The following GGT6 variants were observed in gnomAD, a reference collection of about 807,000 sequenced individuals.
The protein encoded by GGT6 is gamma-glutamyltransferase 6.
Under a neutral mutation model 17.0 loss-of-function variants are expected in GGT6, and 13 were observed. The ratio of observed to expected loss-of-function variants is 0.77; its 90% confidence interval spans 0.50 to 1.22. GGT6 has a LOEUF of 1.22. GGT6 is among the 50% of genes most tolerant of loss of function. GGT6 has a pLI of 0.00. For synonymous variants in GGT6, 305 were observed against 297.9 expected, an observed-to-expected ratio of 1.02 and a Z score of -0.25; for missense variants, 628 against 643.7, an observed-to-expected ratio of 0.98 and a Z score of 0.26.
rs758682929 is a variant in GGT6, at chr17:4,560,388, G to C, written c.134C>G (p.Ser45Cys). ...AGACCCCTCCCTTACTTACCTGGAA[G>C]AGTCCTGGTGCCTCCGGGGGTTTAG... ...LVLNPRRHQD[S>C]SRNKAGGLPG... The change falls in exon 1 of 4, where the codon TCT (serine) becomes TGT (cysteine). Residue 45 changes from serine (S) to cysteine (C), a missense_variant. By Grantham distance (112) the Ser-to-Cys change is moderately radical. Coordinates refer to ENST00000381550, the MANE Select transcript of GGT6 (RefSeq NM_001288702.2). The C allele has an allele frequency of 6.2e-7, 1 of 1,614,140 alleles. No individual in the cohort carries two copies. Among genetic ancestry groups the C allele is most frequent in the South Asian group, 1.1e-5 (1 of 91,086 alleles).
At position 4,557,620 on chromosome 17, in the gene GGT6, T is replaced by A. The variant is rs118064661; in HGVS notation, c.*395A>T. The stretch of plus-strand genomic sequence containing the variant: ...ATGAGCCACCGCACCCAGCTATTTT[T>A]TTATTATTATTATTATTATTTTAAA... On this transcript the variant is annotated 3_prime_UTR_variant, in exon 4 of 4. Transcript: ENST00000381550. 0.14 allele frequency: 22,001 copies of A among 151,792 alleles called. 1,646 individuals carry two copies. The highest frequency in any genetic ancestry group is 0.23 in the South Asian group (1,093 of 4,698). The allele number at this position is 151,792 out of a possible 1,614,324, so 9.4% of individuals were successfully genotyped here.
At chr17:4,559,297 T>A in intron 3 of GGT6, 46 bp downstream of exon 3, 1 of 1,433,202 alleles carries the variant, frequency 7.0e-7, no homozygotes, top group Non-Finnish European at 9.6e-7. Flanking sequence ...AGGTCACTGA[T>A]CAGGCTGTGG....
downstream of GGT6, among the ~76,000 whole-genome samples, chr17:4,556,438 G>T (rs1908125446): frequency 6.6e-6 from 1 of 152,168 alleles, no homozygotes; most frequent in Non-Finnish European, 1.5e-5. Context: ...TTACGGAGAA[G>T]AATTTTCTTG....
At chr17:4,556,468 G>A (rs1167814841), downstream of GGT6, among the ~76,000 whole-genome samples, 2 of 152,182 alleles carry the variant, frequency 1.3e-5, no homozygotes, top group Admixed American at 1.3e-4. Context: ...GGTAAAGGTG[G>A]TGGGATCAAA....
chr17:4,556,722 T>C (rs190494649), downstream of GGT6, among the ~76,000 whole-genome samples: 165 of 152,316 alleles, frequency 1.1e-3, no homozygotes, highest in African/African-American at 3.8e-3. Context: ...TTGCTGTCTG[T>C]TCTAGAAAGT....
In GGT6 at chr17:4,559,616, G is replaced by T. The variant is rs775591313; in HGVS notation, c.285C>A (p.Pro95=). 7.4e-6 allele frequency: 12 copies of T among 1,613,684 alleles called. No homozygotes were observed. Among genetic ancestry groups the T allele is most frequent in the Non-Finnish European group, 1.0e-5 (12 of 1,180,016 alleles). The change falls in exon 2 of 4, where the codon CCC becomes CCA. Residue 95 remains proline (P), a synonymous_variant. Coordinates refer to ENST00000381550, the MANE Select transcript of GGT6 (RefSeq NM_001288702.2). ...TGSLGSVAPP[P]GGHSHGPGVY... is the part of the protein sequence containing the mutation. ...CGCCAGGGCCGTGGGAGTGTCCGCCGGGTGGAGGGGCCACAGAGCCCAAGC... is the reference window on the plus strand; with the variant it reads ...CGCCAGGGCCGTGGGAGTGTCCGCCTGGTGGAGGGGCCACAGAGCCCAAGC...
chr17:4,559,626 G>C lies in GGT6; in HGVS notation c.275C>G (p.Ala92Gly), dbSNP rs1396806105. The part of the protein sequence containing the change: ...GRSTGSLGSV[A>G]PPPGGHSHGP... Reference sequence around the variant, plus strand: ...GTGGGAGTGTCCGCCGGGTGGAGGGGCCACAGAGCCCAAGCTTCCTGTCGA... The same window carrying C: ...GTGGGAGTGTCCGCCGGGTGGAGGGCCCACAGAGCCCAAGCTTCCTGTCGA... The change falls in exon 2 of 4, where the codon GCC (alanine) becomes GGC (glycine). Residue 92 changes from alanine to glycine, a missense_variant. Transcript: ENST00000381550. 6.2e-7 allele frequency: 1 copy of C among 1,613,632 alleles called. No homozygotes were observed. Among genetic ancestry groups the C allele is most frequent in the East Asian group, 2.2e-5 (1 of 44,890 alleles).
At chr17:4,556,924 T>G (rs1234740654), downstream of GGT6, 1 of 152,212 alleles carries the variant, frequency 6.6e-6, no homozygotes, top group Admixed American at 6.5e-5. Flanking sequence ...GCAGGAATGG[T>G]GCTTGGTTTC....
Position 4,558,305 on chromosome 17 carries a change from A to T in GGT6, c.1210T>A (p.Trp404Arg), listed in dbSNP as rs760932683. 3.1e-6 allele frequency: 5 copies of T among 1,613,210 alleles called. No homozygotes were observed. The South Asian group carries it at 5.5e-5, about 18-fold the overall frequency. ...NLVAKSTTSA[W>R]ACPLILRGSL... Reference sequence around the variant, plus strand: ...CCACGGAGGATGAGGGGGCAGGCCCAGGCACTAGTGGTAGACTTGGCCACC... The same window carrying T: ...CCACGGAGGATGAGGGGGCAGGCCCTGGCACTAGTGGTAGACTTGGCCACC... The change falls in exon 4 of 4, where the codon TGG becomes AGG. Residue 404 changes from tryptophan to arginine, a missense_variant. Coordinates refer to ENST00000381550, the MANE Select transcript of GGT6 (RefSeq NM_001288702.2).
At chr17:4,556,673 C>T (rs763781612), downstream of GGT6, among the ~76,000 whole-genome samples, 1 of 152,218 alleles carries the variant, frequency 6.6e-6, no homozygotes, top group East Asian at 1.9e-4. Context: ...TACCCAAGCC[C>T]CTGGGGCGCC....
At chr17:4,559,223 C>T in intron 3 of GGT6, 120 bp downstream of exon 3, 2 of 1,195,682 alleles carry the variant, frequency 1.7e-6, no homozygotes, top group Non-Finnish European at 1.2e-6. Flanking sequence ...TGGACTGCTG[C>T]CCAAACCCTA....
rs755547480 is a variant in GGT6, at chr17:4,558,582, C to G, written c.933G>C (p.Gln311His). Reference sequence around the variant, plus strand: ...GACTGGGGGTGGTGAACAGGATGCCCTGGGGCACAGGTAGCTGCTCTGCTG... The same window carrying G: ...GACTGGGGGTGGTGAACAGGATGCCGTGGGGCACAGGTAGCTGCTCTGCTG... ...LEPAEQLPVP[Q>H]GILFTTPSPS... is the part of the protein sequence containing the mutation. Residue 311 changes from glutamine (Q) to histidine (H), a missense_variant, in exon 4 of 4, where the codon CAG (glutamine) becomes CAC (histidine). Physicochemically the swap from Gln to His is conservative, Grantham distance 24 (BLOSUM62 0). Coordinates refer to ENST00000381550, the MANE Select transcript of GGT6 (RefSeq NM_001288702.2). 1 of 1,565,580 alleles carries G rather than the reference C, an allele frequency of 6.4e-7. No individual in the cohort carries two copies. The highest frequency in any genetic ancestry group is 8.7e-7 in the Non-Finnish European group (1 of 1,155,742).
intron 3 of GGT6, 72 bp downstream of exon 3, chr17:4,559,271 T>C: frequency 3.1e-6 from 4 of 1,304,982 alleles, no homozygotes; most frequent in Non-Finnish European, 4.3e-6. Context: ...TCAGTGCTAC[T>C]GACTCCCTAA....
In GGT6 at chr17:4,559,642, T is replaced by A; in HGVS notation, c.259A>T (p.Ser87Cys). ...QLQNQGRSTGSLGSVAPPPGG... is the reference protein window; with the variant it reads ...QLQNQGRSTGCLGSVAPPPGG... ...GGTGGAGGGGCCACAGAGCCCAAGCTTCCTGTCGACCTGCCCTGATTCTGG... is the reference window on the plus strand; with the variant it reads ...GGTGGAGGGGCCACAGAGCCCAAGCATCCTGTCGACCTGCCCTGATTCTGG... Residue 87 changes from serine (S) to cysteine (C), a missense_variant, in exon 2 of 4, where the codon AGC (serine) becomes TGC (cysteine). Transcript: ENST00000381550. 6.2e-7 allele frequency: 1 copy of A among 1,613,640 alleles called. No individual in the cohort carries two copies. The highest frequency in any genetic ancestry group is 1.1e-5 in the South Asian group (1 of 91,090).
Position 4,560,369 on chromosome 17 carries a change from C to A in GGT6, c.140+13G>T. 1 of 1,614,058 alleles carries A rather than the reference C, an allele frequency of 6.2e-7. No individual in the cohort carries two copies. The highest frequency in any genetic ancestry group is 8.5e-7 in the Non-Finnish European group (1 of 1,179,984). On this transcript the variant is annotated intron_variant, in intron 1 of 3. Coordinates refer to ENST00000381550, the MANE Select transcript of GGT6 (RefSeq NM_001288702.2). ...CCTGGGGAGCCTGGTGCCCAGACCC[C>A]TCCCTTACTTACCTGGAAGAGTCCT... is the stretch of plus-strand genomic sequence containing the variant.
chr17:4,556,612 C>A, downstream of GGT6, among the ~76,000 whole-genome samples: 1 of 152,170 alleles, frequency 6.6e-6, no homozygotes, highest in East Asian at 1.9e-4. Context: ...TGGGGGAGGT[C>A]AGGGCTAACC....
chr17:4,560,495 G>T lies in GGT6; in HGVS notation c.27C>A (p.Val9=), dbSNP rs1908571358. Residue 9 remains valine, a synonymous_variant, in exon 1 of 4, where the codon GTC becomes GTA. Transcript: ENST00000381550. ...GCTCCCAGGGCAGCAGCTTCTGATA[G>T]ACCACGGGCTCTTCTGCCCGCTCCA... The part of the protein sequence containing the change: MERAEEPV[V]YQKLLPWEPS... The T allele has an allele frequency of 1.9e-6, 3 of 1,612,858 alleles. No homozygotes were observed. The highest frequency in any genetic ancestry group is 4.5e-5 in the East Asian group (2 of 44,884).
chr17:4,560,260 C>G lies in GGT6; in HGVS notation c.140+122G>C. ...AGCCTGGGTTTTCCCCCAAATTGAC[C>G]GTACAGTGCCTGGAGCTAAACCCAG... On this transcript the variant is annotated intron_variant, in intron 1 of 3. Coordinates refer to ENST00000381550, the MANE Select transcript of GGT6 (RefSeq NM_001288702.2). The G allele has an allele frequency of 2.8e-6, 3 of 1,089,886 alleles. No homozygotes were observed. The South Asian group carries it at 4.4e-5, about 16-fold the overall frequency. The allele number at this position is 1,089,886 out of a possible 1,614,324, so 67.5% of individuals were successfully genotyped here. A position where few individuals can be genotyped will look rare whatever the true frequency, so the allele number is the denominator to read the frequency against.
In GGT6 at chr17:4,560,564, T is replaced by C. The variant is rs2144553099; in HGVS notation, c.-43A>G. 6.2e-7 allele frequency: 1 copy of C among 1,601,652 alleles called. No individual in the cohort carries two copies. ...CCCAGCCCTCCTGCCTGCCAGCCTT[T>C]CCGGCTGTGTCTCAGAGGCCCTGCC... On this transcript the variant is annotated 5_prime_UTR_variant, in exon 1 of 4. Transcript: ENST00000381550.
Sources: allele counts gnomAD v4.1 joint callset (sites outside exome capture counted in the v4.1 genomes callset), GRCh38; gene constraint gnomAD v4.1.1; transcripts MANE v1.5; gene names NCBI Gene and HGNC (gene_info 2026-07-23, HGNC 2026-07-21).